The following COLEC12 variants were observed in gnomAD, a reference collection of about 807,000 sequenced individuals.
The protein encoded by COLEC12 is collectin subfamily member 12.
Under a neutral mutation model 71.1 loss-of-function variants are expected in COLEC12, and 33 were observed. The ratio of observed to expected loss-of-function variants is 0.46; its 90% CI spans 0.35 to 0.62. COLEC12 has a LOEUF of 0.62. Among genes scored for constraint, COLEC12 ranks in the 20% least tolerant of loss-of-function variants. The pLI is 0.00. For missense variants in COLEC12, 765 were observed against 916.1 expected, an observed-to-expected ratio of 0.84 and a Z score of 2.13; for synonymous variants, 350 against 353.0, an observed-to-expected ratio of 0.99 and a Z score of 0.10.
At chr18:329,609 C>T (rs1199486704) in intron 8 of COLEC12, among the ~76,000 whole-genome samples, 7 of 152,164 alleles carry the variant, frequency 4.6e-5, no homozygotes, top group Admixed American at 2.6e-4. Context: ...CCAGATTATG[C>T]CAGGGGGTAC....
intron 1 of COLEC12, among the ~76,000 whole-genome samples, chr18:499,396 G>C (rs1435493056): frequency 6.6e-6 from 1 of 152,170 alleles, no homozygotes; most frequent in South Asian, 2.1e-4. Context: ...TTAGTTCCGC[G>C]GGAGCTGCCC....
chr18:457,293 C>G (rs1381201382), intron 2 of COLEC12, among the ~76,000 whole-genome samples: 1 of 152,072 alleles, frequency 6.6e-6, no homozygotes, highest in African/African-American at 2.4e-5. Context: ...CACAGAGTAC[C>G]CAGGCACTGC....
At chr18:373,164 G>A (rs1915038209) in intron 2 of COLEC12, among the ~76,000 whole-genome samples, 1 of 152,146 alleles carries the variant, frequency 6.6e-6, no homozygotes, top group African/African-American at 2.4e-5. Context: ...ATGCAATTGA[G>A]GAACAAATAC....
chr18:353,978 G>C (rs1380491179), intron 3 of COLEC12, among the ~76,000 whole-genome samples: 1 of 152,202 alleles, frequency 6.6e-6, no homozygotes, highest in Non-Finnish European at 1.5e-5. Context: ...CAGCAAAGTA[G>C]ACTACCAGTG....
In COLEC12 at chr18:456,290, A is replaced by G. The variant is rs150110601; in HGVS notation, c.58+24417T>C. On this transcript the variant is annotated intron_variant, in intron 2 of 9. Transcript: ENST00000400256. ...AAGACCAAAAATAGTTCTTGGTGCTATGCTGTCTCTAGTTCCACAACCTTC... is the reference window on the plus strand; with the variant it reads ...AAGACCAAAAATAGTTCTTGGTGCTGTGCTGTCTCTAGTTCCACAACCTTC... Among the ~76,000 whole-genome samples the G allele has an allele frequency of 1.0e-3, 159 of 152,328 alleles. 1 individual carries two copies. The highest frequency in any genetic ancestry group is 3.7e-3 in the African/African-American group (153 of 41,572).
intron 2 of COLEC12, among the ~76,000 whole-genome samples, chr18:407,896 G>A (rs181439007): frequency 3.3e-5 from 5 of 152,362 alleles, no homozygotes; most frequent in African/African-American, 1.2e-4. Flanking sequence ...CTAGGCCAAT[G>A]ATCAGAATCT....
At chr18:400,651 T>C (rs1915664982) in intron 2 of COLEC12, among the ~76,000 whole-genome samples, 1 of 152,196 alleles carries the variant, frequency 6.6e-6, no homozygotes, top group African/African-American at 2.4e-5. Context: ...GCCTGTGGTT[T>C]TGGAATCCTG....
chr18:369,898 C>T (rs1914963276), intron 2 of COLEC12, among the ~76,000 whole-genome samples: 1 of 152,068 alleles, frequency 6.6e-6, no homozygotes, highest in African/African-American at 2.4e-5. Flanking sequence ...ATGGAGGACA[C>T]ATTTGGATTC....
At chr18:321,882 A>G (rs1191352211) in intron 8 of COLEC12, 75 bp from the exon 9 acceptor site, 5 of 1,435,316 alleles carry the variant, frequency 3.5e-6, no homozygotes, top group Non-Finnish European at 4.8e-6. Flanking sequence ...GCAGCAGAGA[A>G]TATAAAAAAA....
At chr18:353,898 G>A (rs1188875328) in intron 3 of COLEC12, among the ~76,000 whole-genome samples, 1 of 152,214 alleles carries the variant, frequency 6.6e-6, no homozygotes, top group African/African-American at 2.4e-5. Context: ...GCTCTCCAGT[G>A]TGATTTGATG....
chr18:499,888 G>A (rs969370638), intron 1 of COLEC12, among the ~76,000 whole-genome samples: 6 of 149,810 alleles, frequency 4.0e-5, no homozygotes, highest in Non-Finnish European at 5.9e-5. Context: ...ACCCCAAGGC[G>A]GGCACGTGGA....
intron 2 of COLEC12, among the ~76,000 whole-genome samples, chr18:441,209 C>A (rs935737475): frequency 1.3e-5 from 2 of 150,604 alleles, no homozygotes; most frequent in African/African-American, 4.9e-5. Flanking sequence ...GATTGTGCCA[C>A]TGCACTCCAG....
intron 5 of COLEC12, among the ~76,000 whole-genome samples, chr18:345,328 A>G (rs1023824849): frequency 6.6e-6 from 1 of 152,220 alleles, no homozygotes; most frequent in Non-Finnish European, 1.5e-5. Context: ...TTTAATTTAT[A>G]TGGATGATCT....
At position 422,175 on chromosome 18, in the gene COLEC12, C is replaced by G. The variant is rs558981561; in HGVS notation, c.58+58532G>C. ...TCCCTTTTCAGTCAAGACATAAACC[C>G]TTAAGAACACCTATGATTAGGACTA... On this transcript the variant is annotated intron_variant, in intron 2 of 9. Transcript: ENST00000400256. 6.6e-5 allele frequency among the ~76,000 whole-genome samples: 10 copies of G among 152,330 alleles called. No individual in the cohort carries two copies. The South Asian group carries it at 1.0e-3, about 16-fold the overall frequency.
At chr18:329,041 CT>C (rs1913910246) in intron 8 of COLEC12, among the ~76,000 whole-genome samples, 1 of 152,132 alleles carries the variant, frequency 6.6e-6, no homozygotes, top group African/African-American at 2.4e-5. Flanking sequence ...GGTGCAGAAG[CT>C]GAGGATTTGG....
rs1162296763 is a variant in COLEC12, at chr18:347,016, G to A, written c.606C>T (p.Val202=). 6.2e-7 allele frequency: 1 copy of A among 1,614,168 alleles called. No individual in the cohort carries two copies. The highest frequency in any genetic ancestry group is 1.1e-5 in the South Asian group (1 of 91,068). Residue 202 remains valine, a synonymous_variant, in exon 5 of 10, where the codon GTC becomes GTT. Transcript: ENST00000400256. ...LQNQMYSHNV[V]IMNLNNLNLT... is the part of the protein sequence containing the mutation. ...GGTTCAGGTTGTTGAGGTTCATGAT[G>A]ACCACATTATGAGAATACATTTGGT...
intron 5 of COLEC12, among the ~76,000 whole-genome samples, chr18:338,505 T>A (rs982317093): frequency 6.6e-6 from 1 of 152,210 alleles, no homozygotes; most frequent in African/African-American, 2.4e-5. Flanking sequence ...AGGAGATCCA[T>A]CTTTCCTTGC....
intron 2 of COLEC12, among the ~76,000 whole-genome samples, chr18:394,537 G>C (rs1915527968): frequency 6.6e-6 from 1 of 152,224 alleles, no homozygotes; most frequent in Non-Finnish European, 1.5e-5. Context: ...AGACATTGCA[G>C]AGCAACATTC....
rs201902540 is a variant in COLEC12, at chr18:497,335, C to CTTA, written c.7+3172_7+3173insTAA. Among the ~76,000 whole-genome samples the CTTA allele has an allele frequency of 9.1e-3, 1,377 of 151,856 alleles. 14 individuals are homozygous for CTTA. Among genetic ancestry groups the CTTA allele is most frequent in the African/African-American group, 0.031 (1,304 of 41,416 alleles). On this transcript the variant is annotated intron_variant, in intron 1 of 9. Coordinates refer to ENST00000400256, the MANE Select transcript of COLEC12 (RefSeq NM_130386.3). ...AATATTTGCTTTTGCAAATGAACTT[C>CTTA]TTTAACTTCTATGGTGTCCACTGAT...
Sources: gnomAD v4.1 joint callset for allele counts (sites outside exome capture counted in the v4.1 genomes callset) on GRCh38, gnomAD v4.1.1 for gene constraint, MANE v1.5 for transcripts, NCBI Gene and HGNC (gene_info 2026-07-23, HGNC 2026-07-21) for gene names.